Variants in GPC6 observed in about 807,000 individuals in gnomAD.
The protein encoded by GPC6 is glypican-6.
Under a neutral mutation model 55.2 loss-of-function variants are expected in GPC6, and 14 were observed. That is an observed-to-expected ratio of 0.25 (90% CI 0.17 to 0.40). The LOEUF is 0.40. Ranked by LOEUF, GPC6 falls within the 10% of genes least tolerant of loss-of-function variation. The pLI, the probability that GPC6 is intolerant of heterozygous loss-of-function variation, is 1.00. For missense variants in GPC6, 641 were observed against 708.5 expected (o/e 0.90, Z 1.08); for synonymous variants, 278 against 259.6 (o/e 1.07, Z -0.68).
At chr13:93,605,945 T>C (rs971908667) in intron 2 of GPC6, among the ~76,000 whole-genome samples, 10 of 152,014 alleles carry the variant, frequency 6.6e-5, no homozygotes, top group African/African-American at 1.5e-4. Flanking sequence ...AATTTTTTGA[T>C]CTGTAAAATA....
At chr13:93,333,778 T>A (rs1036291147) in intron 1 of GPC6, among the ~76,000 whole-genome samples, 5 of 152,116 alleles carry the variant, frequency 3.3e-5, no homozygotes, top group African/African-American at 1.2e-4. Context: ...GCTCAAATGA[T>A]CTGCCCACCT....
At chr13:93,770,696 C>G (rs186541475) in intron 2 of GPC6, among the ~76,000 whole-genome samples, 3 of 152,218 alleles carry the variant, frequency 2.0e-5, no homozygotes, top group Middle Eastern at 3.4e-3. Context: ...TGTCTATTCC[C>G]AGACCCAGCA....
intron 3 of GPC6, among the ~76,000 whole-genome samples, chr13:93,887,424 C>A (rs150898587): frequency 1.3e-5 from 2 of 151,844 alleles, no homozygotes; most frequent in Non-Finnish European, 2.9e-5. Flanking sequence ...ATTAGAAAAT[C>A]GAAGACTGAA....
intron 6 of GPC6, among the ~76,000 whole-genome samples, chr13:94,316,194 A>G (rs962001088): frequency 6.6e-6 from 1 of 152,186 alleles, no homozygotes; most frequent in Admixed American, 6.5e-5. Context: ...TTAGAATCCT[A>G]GGAGAAATCT....
chr13:94,403,243 T>G lies in GPC6; in HGVS notation c.*26T>G. The G allele has an allele frequency of 2.6e-6, 4 of 1,517,584 alleles. No individual in the cohort carries two copies. Among genetic ancestry groups the G allele is most frequent in the Non-Finnish European group, 3.7e-6 (4 of 1,093,862 alleles). The allele number at this position is 1,517,584 out of a possible 1,614,324, so 94.0% of individuals were successfully genotyped here. A position where few individuals can be genotyped will look rare whatever the true frequency, so the allele number is the denominator to read the frequency against. ...TCTTGGGTTTTTGGTCAGATGAAACTGCATTTTAGCTATCTGAATGGCCAA... is the reference window on the plus strand; with the variant it reads ...TCTTGGGTTTTTGGTCAGATGAAACGGCATTTTAGCTATCTGAATGGCCAA... On this transcript the variant is annotated 3_prime_UTR_variant, in exon 9 of 9. Coordinates refer to ENST00000377047, the MANE Select transcript of GPC6 (RefSeq NM_005708.5).
Position 94,289,687 on chromosome 13 carries a change from T to C in GPC6, c.1008+3208T>C, listed in dbSNP as rs545593146. On this transcript the variant is annotated intron_variant, in intron 5 of 8. Coordinates refer to ENST00000377047, the MANE Select transcript of GPC6 (RefSeq NM_005708.5). The stretch of plus-strand genomic sequence containing the variant: ...CAAACCTAGAAAAATAAATAAATCT[T>C]TAATAAAAGGAACACAGGACCAGAT... Among the ~76,000 whole-genome samples the C allele has an allele frequency of 6.6e-5, 10 of 152,260 alleles. No homozygotes were observed. The East Asian group carries it at 1.9e-3, about 29-fold the overall frequency.
intron 3 of GPC6, among the ~76,000 whole-genome samples, chr13:93,893,748 C>T (rs1352672033): frequency 1.3e-5 from 2 of 152,206 alleles, no homozygotes; most frequent in African/African-American, 4.8e-5. Flanking sequence ...TCCACTGTCA[C>T]TGGCTGTTTA....
intron 1 of GPC6, among the ~76,000 whole-genome samples, chr13:93,448,810 C>T (rs1878106275): frequency 6.6e-6 from 1 of 152,180 alleles, no homozygotes; most frequent in Non-Finnish European, 1.5e-5. Flanking sequence ...AGGAATCCTC[C>T]TTTATCAAGC....
chr13:93,929,789 T>C (rs1878060071), intron 3 of GPC6, among the ~76,000 whole-genome samples: 1 of 147,886 alleles, frequency 6.8e-6, no homozygotes, highest in African/African-American at 2.5e-5. Context: ...TTTAATTCAA[T>C]GTATTTAAAA....
chr13:94,251,132 A>G (rs1228073165), intron 4 of GPC6, among the ~76,000 whole-genome samples: 2 of 152,146 alleles, frequency 1.3e-5, no homozygotes, highest in South Asian at 4.1e-4. Flanking sequence ...AGCCATAAAA[A>G]GGAATGAGGT....
At chr13:93,622,796 T>C (rs1345693817) in intron 2 of GPC6, among the ~76,000 whole-genome samples, 1 of 152,154 alleles carries the variant, frequency 6.6e-6, no homozygotes, top group Non-Finnish European at 1.5e-5. Context: ...TTTTGAAATA[T>C]ACAATACCAC....
chr13:94,166,204 A>G (rs188234396), intron 4 of GPC6, among the ~76,000 whole-genome samples: 256 of 152,346 alleles, frequency 1.7e-3, no homozygotes, highest in African/African-American at 5.7e-3. Flanking sequence ...TTCACACTTC[A>G]TAATGCAAGA....
chr13:94,147,536 TACC>T (rs1042146721), intron 4 of GPC6, among the ~76,000 whole-genome samples: 1 of 152,170 alleles, frequency 6.6e-6, no homozygotes, highest in African/African-American at 2.4e-5. Context: ...ATACCATGCT[TACC>T]AAACTTAAAA....
At chr13:94,151,491 G>A (rs184812100) in intron 4 of GPC6, among the ~76,000 whole-genome samples, 11 of 152,232 alleles carry the variant, frequency 7.2e-5, no homozygotes, top group Admixed American at 5.2e-4. Flanking sequence ...GCTGACATGC[G>A]AAGGGCCCTG....
At chr13:93,959,581 A>T (rs552751481) in intron 3 of GPC6, among the ~76,000 whole-genome samples, 1 of 152,180 alleles carries the variant, frequency 6.6e-6, no homozygotes, top group South Asian at 2.1e-4. Context: ...ATCTGATCTA[A>T]TATTCAGAAA....
intron 3 of GPC6, among the ~76,000 whole-genome samples, chr13:93,914,198 T>C (rs1247675555): frequency 6.6e-6 from 1 of 152,162 alleles, no homozygotes; most frequent in Non-Finnish European, 1.5e-5. Context: ...GTATATCTCC[T>C]AATGCTATCC....
intron 4 of GPC6, among the ~76,000 whole-genome samples, chr13:94,121,877 G>A (rs1281854991): frequency 6.6e-6 from 1 of 152,058 alleles, no homozygotes; most frequent in Non-Finnish European, 1.5e-5. Flanking sequence ...GAGTCCTTGG[G>A]CTACTGTGCT....
intron 2 of GPC6, among the ~76,000 whole-genome samples, chr13:93,682,631 A>T (rs1453785299): frequency 1.3e-5 from 2 of 152,092 alleles, no homozygotes; most frequent in Non-Finnish European, 2.9e-5. Flanking sequence ...CTAATAATTG[A>T]AATATTTGCT....
At chr13:94,346,084 G>A (rs1034388608) in intron 6 of GPC6, among the ~76,000 whole-genome samples, 2 of 152,174 alleles carry the variant, frequency 1.3e-5, no homozygotes, top group South Asian at 2.1e-4. Flanking sequence ...CTGCATGTCT[G>A]TGTCTGTGGT....
Sources: gnomAD v4.1 joint callset for allele counts (sites outside exome capture counted in the v4.1 genomes callset) on GRCh38, gnomAD v4.1.1 for gene constraint, MANE v1.5 for transcripts, NCBI Gene and HGNC (gene_info 2026-07-23, HGNC 2026-07-21) for gene names.